COLGALT2: variants seen among roughly 807,000 people sequenced by gnomAD.
COLGALT2 encodes procollagen galactosyltransferase 2.
Under a neutral mutation model 73.4 loss-of-function variants are expected in COLGALT2, and 49 were observed. The observed-to-expected ratio is 0.67, with a 90% CI of 0.53 to 0.85. The LOEUF (loss-of-function observed/expected upper bound fraction) is 0.85. Among genes scored for constraint, COLGALT2 ranks in the 40% least tolerant of loss-of-function variants. COLGALT2 has a pLI of 0.00. For synonymous variants in COLGALT2, 295 were observed against 307.6 expected, an observed-to-expected ratio of 0.96 and a Z score of 0.43; for missense variants, 722 against 790.2, an observed-to-expected ratio of 0.91 and a Z score of 1.03.
At chr1:184,032,217 A>AT (rs961662053) in intron 1 of COLGALT2, among the ~76,000 whole-genome samples, 5 of 152,146 alleles carry the variant, frequency 3.3e-5, no homozygotes, top group African/African-American at 1.2e-4. Context: ...CTATACTAAT[A>AT]TTTTTTGTTG....
chr1:183,951,571 A>T (rs1670402933), intron 7 of COLGALT2, among the ~76,000 whole-genome samples: 2 of 152,220 alleles, frequency 1.3e-5, no homozygotes, highest in Admixed American at 6.5e-5. Flanking sequence ...CTGAAAAAGA[A>T]ATAGAAAAAG....
chr1:184,018,247 G>A (rs1649068638), intron 1 of COLGALT2, among the ~76,000 whole-genome samples: 1 of 148,054 alleles, frequency 6.8e-6, no homozygotes, highest in South Asian at 2.2e-4. Flanking sequence ...TTCAGCCTGG[G>A]CAGCACAGTG....
At chr1:184,036,864 C>A (rs1430829068) in intron 1 of COLGALT2, among the ~76,000 whole-genome samples, 1 of 152,182 alleles carries the variant, frequency 6.6e-6, no homozygotes, top group Non-Finnish European at 1.5e-5. Context: ...TCCGGTTCTC[C>A]CCATCAGCAC....
Position 183,963,957 on chromosome 1 carries a change from T to G in COLGALT2, c.896A>C (p.His299Pro). ...YGYLPIPLKP[H>P]QTLQEDIENL... ...CTCGATGTCTTCCTGCAGTGTCTGA[T>G]GGGGCTTCAGGGGGATGGGCAGGTA... The change falls in exon 6 of 12, where the codon CAT becomes CCT. Residue 299 changes from histidine to proline, a missense_variant. Physicochemically the swap from His to Pro is moderately conservative, Grantham distance 77. Coordinates refer to ENST00000361927, the MANE Select transcript of COLGALT2 (RefSeq NM_015101.4). 1.9e-6 allele frequency: 3 copies of G among 1,613,358 alleles called. No individual in the cohort carries two copies. The highest frequency in any genetic ancestry group is 2.5e-6 in the Non-Finnish European group (3 of 1,179,612).
At chr1:183,976,704 G>C (rs1671202302) in intron 2 of COLGALT2, among the ~76,000 whole-genome samples, 1 of 151,988 alleles carries the variant, frequency 6.6e-6, no homozygotes, top group African/African-American at 2.4e-5. Context: ...ATATATTCTA[G>C]CCCCTGCCAA....
chr1:183,978,338 T>C, intron 2 of COLGALT2, 72 bp downstream of exon 2: 2 of 801,408 alleles, frequency 2.5e-6, no homozygotes, highest in South Asian at 1.5e-5. Flanking sequence ...CCTCCAAACC[T>C]GGAAGCCCTA....
rs1413891667 is a variant in COLGALT2 at position 183,935,905 on chromosome 1, T to C, written c.*2856A>G. On this transcript the variant is annotated 3_prime_UTR_variant, in exon 12 of 12. Transcript: ENST00000361927. ...CAAATAGTTTATCACTTCCCCACTC[T>C]GAAATAGCACGCAAGACAGATGATG... The C allele has an allele frequency of 1.0e-6, 1 of 985,330 alleles. No individual in the cohort carries two copies. Among genetic ancestry groups the C allele is most frequent in the African/African-American group, 1.7e-5 (1 of 57,248 alleles). The allele number at this position is 985,330 out of a possible 1,614,324, so 61.0% of individuals were successfully genotyped here. A position where few individuals can be genotyped will look rare whatever the true frequency, so the allele number is the denominator to read the frequency against.
chr1:183,975,250 C>T (rs1304237887), intron 2 of COLGALT2, 36 bp from the exon 3 acceptor site: 2 of 1,282,950 alleles, frequency 1.6e-6, no homozygotes, highest in Middle Eastern at 1.9e-4. Flanking sequence ...TTATTGAGTG[C>T]CTACATGTAC....
rs1670793409 is a variant in COLGALT2, at chr1:183,963,957, T to C, written c.896A>G (p.His299Arg). The change falls in exon 6 of 12, where the codon CAT (histidine) becomes CGT (arginine). Residue 299 changes from histidine (H) to arginine (R), a missense_variant. Coordinates refer to ENST00000361927, the MANE Select transcript of COLGALT2 (RefSeq NM_015101.4). ...CTCGATGTCTTCCTGCAGTGTCTGA[T>C]GGGGCTTCAGGGGGATGGGCAGGTA... ...YGYLPIPLKP[H>R]QTLQEDIENL... 8 of 1,613,358 alleles carry C rather than the reference T, an allele frequency of 5.0e-6. No individual in the cohort carries two copies. Among genetic ancestry groups the C allele is most frequent in the Non-Finnish European group, 6.8e-6 (8 of 1,179,612 alleles).
intron 1 of COLGALT2, among the ~76,000 whole-genome samples, chr1:184,027,633 T>G (rs1649370596): frequency 6.6e-6 from 1 of 152,340 alleles, no homozygotes; most frequent in African/African-American, 2.4e-5. Flanking sequence ...CCTCAATTAC[T>G]AATTTCAACA....
chr1:184,018,300 T>C (rs1342204561), intron 1 of COLGALT2, among the ~76,000 whole-genome samples: 1 of 152,036 alleles, frequency 6.6e-6, no homozygotes, highest in East Asian at 1.9e-4. Context: ...ATCTGAGAGA[T>C]TTAACTTGTA....
chr1:183,992,615 T>C (rs1205084921), intron 1 of COLGALT2, among the ~76,000 whole-genome samples: 1 of 144,880 alleles, frequency 6.9e-6, no homozygotes, highest in African/African-American at 2.9e-5. Flanking sequence ...TTCAGTCAAG[T>C]TGTTTATCTG....
chr1:183,941,907 A>T (rs1558308193), intron 10 of COLGALT2, among the ~76,000 whole-genome samples: 2 of 150,130 alleles, frequency 1.3e-5, no homozygotes, highest in South Asian at 2.1e-4. Context: ...AAATATATAT[A>T]TTTTTTCCAT....
At chr1:183,949,869 C>T (rs1209364745) in intron 8 of COLGALT2, among the ~76,000 whole-genome samples, 1 of 152,132 alleles carries the variant, frequency 6.6e-6, no homozygotes, top group African/African-American at 2.4e-5. Flanking sequence ...ATATAAAGAA[C>T]TCTCACTACT....
intron 1 of COLGALT2, among the ~76,000 whole-genome samples, chr1:184,024,088 C>A (rs1025203436): frequency 2.6e-4 from 40 of 152,062 alleles, no homozygotes; most frequent in South Asian, 4.1e-4. Flanking sequence ...GTGGCAATAG[C>A]GTGAGTTGTT....
At chr1:184,034,107 G>A (rs1448131069) in intron 1 of COLGALT2, among the ~76,000 whole-genome samples, 1 of 152,132 alleles carries the variant, frequency 6.6e-6, no homozygotes, top group Non-Finnish European at 1.5e-5. Flanking sequence ...TCCCATCAGA[G>A]TGTTATATCT....
chr1:183,950,361 A>G (rs960350099), intron 8 of COLGALT2, among the ~76,000 whole-genome samples: 1 of 152,206 alleles, frequency 6.6e-6, no homozygotes, highest in Admixed American at 6.5e-5. Context: ...GCAAATAGAA[A>G]ACAAAGCTAC....
chr1:183,960,766 A>T (rs540931737), intron 6 of COLGALT2, among the ~76,000 whole-genome samples: 12 of 149,726 alleles, frequency 8.0e-5, no homozygotes, highest in Non-Finnish European at 7.4e-5. Context: ...TCTTTTTGTG[A>T]TTTTTTTTTT....
intron 1 of COLGALT2, among the ~76,000 whole-genome samples, chr1:184,033,884 T>C (rs1572690938): frequency 6.6e-6 from 1 of 152,336 alleles, no homozygotes; most frequent in East Asian, 1.9e-4. Context: ...GGAAGCTGAA[T>C]TCTGTGTGGC....
Sources: allele counts gnomAD v4.1 joint callset (sites outside exome capture counted in the v4.1 genomes callset), GRCh38; gene constraint gnomAD v4.1.1; transcripts MANE v1.5; gene names NCBI Gene and HGNC (gene_info 2026-07-23, HGNC 2026-07-21).